Variants in POM121 observed in about 807,000 individuals in gnomAD.
The protein encoded by POM121 is nuclear envelope pore membrane protein POM 121.
Under a neutral mutation model 81.3 loss-of-function variants are expected in POM121, and 32 were observed. The observed-to-expected ratio is 0.39, with a 90% CI of 0.30 to 0.53. The LOEUF (loss-of-function observed/expected upper bound fraction) is 0.53, where lower values mean the gene tolerates loss of function less well. POM121 is among the 20% of genes least tolerant of loss of function. The pLI is 0.66. For missense variants in POM121, 1,138 were observed against 1,614.6 expected, an observed-to-expected ratio of 0.70 and a Z score of 5.06; for synonymous variants, 514 against 694.2, an observed-to-expected ratio of 0.74 and a Z score of 4.08.
intron 3 of POM121, among the ~76,000 whole-genome samples, chr7:72,907,668 G>A (rs1438811726): frequency 4.6e-5 from 7 of 152,020 alleles, no homozygotes; most frequent in Admixed American, 6.6e-5. Context: ...GCACCGCCAC[G>A]CCTGGCTAAT....
chr7:72,937,477 C>T (rs1291493555), intron 5 of POM121, among the ~76,000 whole-genome samples: 25 of 151,806 alleles, frequency 1.6e-4, no homozygotes, highest in African/African-American at 5.6e-4. Flanking sequence ...CTGTTATTGC[C>T]GTGAGCAGTC....
chr7:72,946,835 T>A lies in POM121; in HGVS notation c.*601T>A. ...GCTTTGCCTTGGAGACCCCAGTGGG[T>A]GCTGCTCCTGCCGTTTTCTTCCTGC... On this transcript the variant is annotated 3_prime_UTR_variant, in exon 13 of 13. Coordinates refer to ENST00000434423, the MANE Select transcript of POM121 (RefSeq NM_001387691.1). 2 of 949,998 alleles carry A rather than the reference T, an allele frequency of 2.1e-6. No homozygotes were observed. Among genetic ancestry groups the A allele is most frequent in the Non-Finnish European group, 2.5e-6 (2 of 809,490 alleles). 58.8% of individuals were successfully genotyped at this position (949,998 alleles called of 1,614,324 possible).
intron 5 of POM121, among the ~76,000 whole-genome samples, chr7:72,930,502 G>T (rs1481539072): frequency 1.3e-5 from 2 of 152,222 alleles, no homozygotes; most frequent in Admixed American, 6.5e-5. Flanking sequence ...GAGCTGTGTT[G>T]TAGATAAACG....
Position 72,925,385 on chromosome 7 carries a change from T to G in POM121, c.264T>G (p.His88Gln). Residue 88 changes from histidine to glutamine, a missense_variant, in exon 1 of 13, where the codon CAT becomes CAG. Transcript: ENST00000434423. ...PLSSFVRKAR[H>Q]RRPLSSFVRK... is the part of the protein sequence containing the mutation. Reference sequence around the variant, plus strand: ...CCTCCTTCGTTCGGAAGGCGCGTCATCGGCGCCCCTTGTCCTCCTTCGTTC... The same window carrying G: ...CCTCCTTCGTTCGGAAGGCGCGTCAGCGGCGCCCCTTGTCCTCCTTCGTTC... The G allele has an allele frequency of 1.3e-6, 2 of 1,523,006 alleles. No homozygotes were observed. Among genetic ancestry groups the G allele is most frequent in the Non-Finnish European group, 1.8e-6 (2 of 1,137,182 alleles). 94.3% of individuals were successfully genotyped at this position (1,523,006 alleles called of 1,614,324 possible).
intron 5 of POM121, among the ~76,000 whole-genome samples, 162 bp from the exon 6 acceptor site, chr7:72,938,428 C>T (rs188046411): frequency 5.3e-5 from 8 of 152,114 alleles, no homozygotes; most frequent in Non-Finnish European, 7.4e-5. Context: ...TGGGCTCAAG[C>T]GATCCTCCCA....
chr7:72,882,388 A>T (rs1204724883), intron 1 of POM121, among the ~76,000 whole-genome samples: 1 of 152,206 alleles, frequency 6.6e-6, no homozygotes, highest in Non-Finnish European at 1.5e-5. Context: ...ACCATCCATG[A>T]CATCGTTTGC....
intron 5 of POM121, among the ~76,000 whole-genome samples, chr7:72,937,918 T>A (rs1268360631): frequency 6.6e-6 from 1 of 152,220 alleles, no homozygotes; most frequent in Non-Finnish European, 1.5e-5. Flanking sequence ...AGCATATTTT[T>A]AAAATGAAGT....
intron 4 of POM121, among the ~76,000 whole-genome samples, chr7:72,917,510 T>C (rs1194635840): frequency 6.7e-6 from 1 of 149,354 alleles, no homozygotes; most frequent in African/African-American, 2.6e-5. Context: ...CCCCAGCTTT[T>C]CTGCTTTCCC....
At chr7:72,927,864 C>T (rs1365452810) in intron 3 of POM121, among the ~76,000 whole-genome samples, 7 of 152,154 alleles carry the variant, frequency 4.6e-5, no homozygotes, top group African/African-American at 9.7e-5. Context: ...ATGGATAGAG[C>T]GGTGGACAAG....
intron 5 of POM121, among the ~76,000 whole-genome samples, chr7:72,931,648 G>T (rs1796034075): frequency 6.7e-6 from 1 of 150,040 alleles, no homozygotes; most frequent in Non-Finnish European, 1.5e-5. Context: ...TTGACTCACT[G>T]CAATCTCCGC....
In POM121 at chr7:72,929,941, C is replaced by T. The variant is rs1795850034; in HGVS notation, c.1105C>T (p.Pro369Ser). Reference protein sequence around the residue: ...NGVPASFVPKPGSLKRGLNSQ... With the variant: ...NGVPASFVPKSGSLKRGLNSQ... ...TCTAACTGTCTTCTCTTTTATTAGG[C>T]CTGGGTCTCTGAAGAGAGGCCTCAA... Residue 369 changes from proline (P) to serine (S), a missense_variant and splice_region_variant, in exon 5 of 13, where the codon CCT (proline) becomes TCT (serine). Pro to Ser is a moderately conservative substitution (Grantham distance 74). Around this residue, in one of 7 missense-constraint regions of POM121, gnomAD observed 646 missense variants for 633.5 expected, o/e 1.02. Transcript: ENST00000434423. 6.3e-7 allele frequency: 1 copy of T among 1,597,762 alleles called. No homozygotes were observed. The highest frequency in any genetic ancestry group is 1.7e-5 in the Admixed American group (1 of 57,766).
At chr7:72,900,160 A>G (rs1180646730) in intron 3 of POM121, among the ~76,000 whole-genome samples, 14 of 152,202 alleles carry the variant, frequency 9.2e-5, no homozygotes, top group African/African-American at 3.1e-4. Flanking sequence ...AATCAGTCCT[A>G]AGGCCCCAGG....
intron 1 of POM121, among the ~76,000 whole-genome samples, chr7:72,882,391 T>A (rs1554489423): frequency 6.6e-6 from 1 of 152,182 alleles, no homozygotes; most frequent in East Asian, 1.9e-4. Context: ...ATCCATGACA[T>A]CGTTTGCATT....
At chr7:72,912,654 C>T (rs1554494450) in intron 3 of POM121, among the ~76,000 whole-genome samples, 3 of 152,100 alleles carry the variant, frequency 2.0e-5, no homozygotes, top group African/African-American at 7.2e-5. Flanking sequence ...TGGTGCATGC[C>T]TGTGGTCCCA....
chr7:72,922,658 C>T (rs1333487767), upstream of POM121, among the ~76,000 whole-genome samples: 3 of 151,938 alleles, frequency 2.0e-5, no homozygotes, highest in African/African-American at 7.3e-5. Context: ...TCCAAATGTG[C>T]TAGATTATGT....
intron 4 of POM121, among the ~76,000 whole-genome samples, chr7:72,915,525 A>G (rs1234905806): frequency 1.3e-5 from 2 of 151,950 alleles, no homozygotes; most frequent in African/African-American, 4.8e-5. Context: ...GGTGTGCACT[A>G]CTACACCCGG....
intron 4 of POM121, among the ~76,000 whole-genome samples, chr7:72,915,024 A>C (rs1407102716): frequency 6.6e-6 from 1 of 152,214 alleles, no homozygotes; most frequent in Non-Finnish European, 1.5e-5. Flanking sequence ...AAGAGGGTGA[A>C]GAAATGAGAG....
Position 72,942,606 on chromosome 7 carries a change from T to C in POM121, c.2613T>C (p.Ala871=). 1 of 769,446 alleles carries C rather than the reference T, an allele frequency of 1.3e-6. No homozygotes were observed. The highest frequency in any genetic ancestry group is 1.9e-5 in the South Asian group (1 of 53,812). 47.7% of individuals were successfully genotyped at this position (769,446 alleles called of 1,614,324 possible). A position where few individuals can be genotyped will look rare whatever the true frequency, so the allele number is the denominator to read the frequency against. ...TCTTCGGGGCGCCCCAGGCCTCTGCTGCCAGCTTCACCCCGGCCATGGGCT... is the reference window on the plus strand; with the variant it reads ...TCTTCGGGGCGCCCCAGGCCTCTGCCGCCAGCTTCACCCCGGCCATGGGCT... ...PFLFGAPQAS[A]ASFTPAMGSI... The change falls in exon 11 of 13, where the codon GCT becomes GCC. Residue 871 remains alanine, a synonymous_variant. Coordinates refer to ENST00000434423, the MANE Select transcript of POM121 (RefSeq NM_001387691.1).
intron 5 of POM121, among the ~76,000 whole-genome samples, chr7:72,937,119 G>A (rs1199460432): frequency 6.6e-6 from 1 of 152,090 alleles, no homozygotes; most frequent in Non-Finnish European, 1.5e-5. Flanking sequence ...GCTGGGTGTG[G>A]TGGCATGTTC....
Sources: allele counts gnomAD v4.1 joint callset (sites outside exome capture counted in the v4.1 genomes callset), GRCh38; gene constraint gnomAD v4.1.1; regional missense constraint gnomAD v4.1.1; transcripts MANE v1.5; gene names NCBI Gene and HGNC (gene_info 2026-07-23, HGNC 2026-07-21).